COX17: variants seen among roughly 807,000 people sequenced by gnomAD.
The protein encoded by COX17 is cytochrome c oxidase copper chaperone.
Under a neutral mutation model 6.3 loss-of-function variants are expected in COX17, and 1 was observed. That is an observed-to-expected ratio of 0.16 (90% CI 0.06 to 0.75). The LOEUF (loss-of-function observed/expected upper bound fraction) is 0.75, where lower values mean the gene tolerates loss of function less well. Among genes scored for constraint, COX17 ranks in the 30% least tolerant of loss-of-function variants. The pLI is 0.77. For synonymous variants in COX17, 26 were observed against 30.5 expected (o/e 0.85, Z 0.49); for missense variants, 73 against 81.2 (o/e 0.90, Z 0.39).
At chr3:119,675,685 A>AC in intron 1 of COX17, 1 of 154,114 alleles carries the variant, frequency 6.5e-6, no homozygotes, top group African/African-American at 2.4e-5. Context: ...GGTAGCCAGG[A>AC]GACCGAGATA....
chr3:119,672,333 A>G (rs2053052490), intron 2 of COX17, among the ~76,000 whole-genome samples: 1 of 152,266 alleles, frequency 6.6e-6, no homozygotes, highest in South Asian at 2.1e-4. Flanking sequence ...CTCTGCCCTG[A>G]TAACATAAAG....
At chr3:119,673,212 A>G (rs745589033) in intron 2 of COX17, among the ~76,000 whole-genome samples, 1 of 152,218 alleles carries the variant, frequency 6.6e-6, no homozygotes, top group Non-Finnish European at 1.5e-5. Flanking sequence ...GGGCCATTTC[A>G]TAACTATAAG....
At chr3:119,675,316 A>G in intron 1 of COX17, 83 bp from the exon 2 acceptor site, 6 of 934,448 alleles carry the variant, frequency 6.4e-6, no homozygotes, top group Non-Finnish European at 1.0e-5. Context: ...GAGTGAGACA[A>G]AACACGGGTA....
At chr3:119,676,883 G>A in intron 1 of COX17, 1 of 702,880 alleles carries the variant, frequency 1.4e-6, no homozygotes, top group Non-Finnish European at 2.6e-6. Flanking sequence ...GGAATGAGTG[G>A]TTGAAGCTTG....
chr3:119,677,138 G>C lies in COX17; in HGVS notation c.107+66C>G, dbSNP rs1354978139. The C allele has an allele frequency of 7.1e-6, 9 of 1,260,816 alleles. No individual in the cohort carries two copies. In the South Asian group the frequency reaches 1.0e-4, roughly 14 times the overall value. The allele number at this position is 1,260,816 out of a possible 1,614,324, so 78.1% of individuals were successfully genotyped here. A position where few individuals can be genotyped will look rare whatever the true frequency, so the allele number is the denominator to read the frequency against. On this transcript the variant is annotated intron_variant, in intron 1 of 2. Transcript: ENST00000261070. ...CAGAGGGCAGAGGCCGTAGGGCAGAGGCACCGGAAGGCACAGGCCGCGGCC... is the reference window on the plus strand; with the variant it reads ...CAGAGGGCAGAGGCCGTAGGGCAGACGCACCGGAAGGCACAGGCCGCGGCC...
chr3:119,666,693 A>T (rs554769582), downstream of COX17, among the ~76,000 whole-genome samples: 8 of 152,234 alleles, frequency 5.3e-5, no homozygotes, highest in African/African-American at 1.9e-4. Flanking sequence ...ACTACTCTTT[A>T]CTACTCTGTA....
intron 2 of COX17, among the ~76,000 whole-genome samples, chr3:119,673,887 GCCACTGCCCGGCTGC>G (rs1199267246): frequency 1.3e-5 from 2 of 152,012 alleles, no homozygotes; most frequent in African/African-American, 4.8e-5. Flanking sequence ...TGTCAGGAGT[GCCACTGCCCGGCTGC>G]CCACTGTCTG....
At position 119,677,329 on chromosome 3, in the gene COX17, C is replaced by A; in HGVS notation, c.-19G>T. 1.2e-6 allele frequency: 2 copies of A among 1,603,310 alleles called. No homozygotes were observed. Among genetic ancestry groups the A allele is most frequent in the African/African-American group, 1.3e-5 (1 of 74,796 alleles). Reference sequence around the variant, plus strand: ...CCGGCATCTTTCGCGCCAAAAGCAGCTATGAGCGGAGACAGCCAAATCTAT... The same window carrying A: ...CCGGCATCTTTCGCGCCAAAAGCAGATATGAGCGGAGACAGCCAAATCTAT... On this transcript the variant is annotated 5_prime_UTR_variant, in exon 1 of 3. Coordinates refer to ENST00000261070, the MANE Select transcript of COX17 (RefSeq NM_005694.2).
chr3:119,670,111 G>C (rs2053029651), intron 2 of COX17, among the ~76,000 whole-genome samples: 1 of 152,100 alleles, frequency 6.6e-6, no homozygotes, highest in Admixed American at 6.5e-5. Context: ...CAGTACCCAA[G>C]GCACTTCCTG....
intron 1 of COX17, 44 bp from the exon 2 acceptor site, chr3:119,675,277 CATT>C (rs756405847): frequency 3.6e-5 from 48 of 1,346,182 alleles, no homozygotes; most frequent in South Asian, 4.7e-5. Context: ...GCATTAAGCA[CATT>C]ATTAAGTATG....
intron 2 of COX17, among the ~76,000 whole-genome samples, chr3:119,673,821 G>T (rs1162223747): frequency 6.6e-6 from 1 of 152,238 alleles, no homozygotes. Flanking sequence ...CTTAAAATGG[G>T]TTAAGAGTTC....
rs755802772 is a variant in COX17, at chr3:119,677,166, G to A, written c.107+38C>T. The A allele has an allele frequency of 7.1e-6, 11 of 1,544,406 alleles. No individual in the cohort carries two copies. In the African/African-American group the frequency reaches 1.2e-4, roughly 17 times the overall value. On this transcript the variant is annotated intron_variant, in intron 1 of 2. Coordinates refer to ENST00000261070, the MANE Select transcript of COX17 (RefSeq NM_005694.2). ...ACCGGAAGGCACAGGCCGCGGCCCG[G>A]GGCTCGTCGGCCGCGCCCTCTCCGG...
At chr3:119,673,673 T>C (rs989026467) in intron 2 of COX17, among the ~76,000 whole-genome samples, 6 of 152,178 alleles carry the variant, frequency 3.9e-5, no homozygotes, top group Admixed American at 3.9e-4. Context: ...AAGGAGACTT[T>C]TGAAAGAGAC....
intron 1 of COX17, among the ~76,000 whole-genome samples, chr3:119,675,974 C>T (rs146183368): frequency 2.0e-4 from 30 of 152,296 alleles, no homozygotes; most frequent in African/African-American, 7.2e-4. Context: ...GAGCTGCCTG[C>T]AAATGGGAGA....
At chr3:119,667,019 T>C (rs1415192697), downstream of COX17, 6 of 152,192 alleles carry the variant, frequency 3.9e-5, no homozygotes, top group Non-Finnish European at 8.8e-5. Context: ...CATCACATCA[T>C]AGGTCATATT....
intron 1 of COX17, 125 bp from the exon 2 acceptor site, chr3:119,675,358 C>T (rs570849811): frequency 5.9e-5 from 39 of 660,386 alleles, no homozygotes; most frequent in Non-Finnish European, 9.9e-5. Context: ...AAAACAAACG[C>T]TATTACCTCA....
intron 2 of COX17, among the ~76,000 whole-genome samples, chr3:119,670,752 TTGTGTGTGTGTG>T (rs10542008): frequency 0.012 from 1,795 of 149,694 alleles, 8 homozygotes; most frequent in African/African-American, 0.013. Context: ...ATGATCAGTT[TTGTGTGTGTGTG>T]TGTGTGTGTG....
At chr3:119,665,205 G>A (rs1465425272), downstream of COX17, 1 of 152,182 alleles carries the variant, frequency 6.6e-6, no homozygotes. Context: ...AGTACGTGGG[G>A]GAGCTTCTGG....
chr3:119,672,128 C>T (rs898502797), intron 2 of COX17, among the ~76,000 whole-genome samples: 1 of 152,170 alleles, frequency 6.6e-6, no homozygotes, highest in South Asian at 2.1e-4. Flanking sequence ...ATTTATTTTA[C>T]ATTGAATCAT....
Sources: allele counts gnomAD v4.1 joint callset (sites outside exome capture counted in the v4.1 genomes callset), GRCh38; gene constraint gnomAD v4.1.1; transcripts MANE v1.5; gene names NCBI Gene and HGNC (gene_info 2026-07-23, HGNC 2026-07-21).